The following TBC1D12 variants were observed in gnomAD, a reference collection of about 807,000 sequenced individuals.
TBC1D12 encodes the protein TBC1 domain family, member 12.
TBC1D12 carries 56 observed loss-of-function variants against 86.7 expected under a neutral mutation model. That is an observed-to-expected ratio of 0.65 (90% CI 0.52 to 0.81). TBC1D12 has a LOEUF of 0.81. TBC1D12 is among the 30% of genes least tolerant of loss of function. The pLI is 0.00. For synonymous variants in TBC1D12, 421 were observed against 411.7 expected, an observed-to-expected ratio of 1.02 and a Z score of -0.27; for missense variants, 1,023 against 1,038.8, an observed-to-expected ratio of 0.98 and a Z score of 0.21.
At chr10:94,439,812 A>G (rs2055354028) in intron 1 of TBC1D12, among the ~76,000 whole-genome samples, 2 of 152,374 alleles carry the variant, frequency 1.3e-5, no homozygotes, top group South Asian at 4.1e-4. Context: ...CAACAGAAAT[A>G]ATAAAAAGAT....
chr10:94,522,272 GTGTT>G (rs1270686422), intron 10 of TBC1D12, 68 bp from the exon 11 acceptor site: 70 of 1,063,586 alleles, frequency 6.6e-5, no homozygotes, highest in African/African-American at 1.6e-5. Context: ...TTTCCTGTTA[GTGTT>G]TAAGCGTTTA....
At chr10:94,446,957 C>G (rs2055471823) in intron 2 of TBC1D12, among the ~76,000 whole-genome samples, 1 of 148,860 alleles carries the variant, frequency 6.7e-6, no homozygotes, top group Non-Finnish European at 1.5e-5. Context: ...CCTGTAATCT[C>G]ATCTACTTGG....
intron 2 of TBC1D12, among the ~76,000 whole-genome samples, chr10:94,442,248 ACGTAGACTTTTT>A (rs2055394029): frequency 6.6e-6 from 1 of 152,038 alleles, no homozygotes; most frequent in African/African-American, 2.4e-5. Context: ...TTCAAATAGA[ACGTAGACTTTTT>A]TTTTTAACCA....
intron 2 of TBC1D12, among the ~76,000 whole-genome samples, chr10:94,456,068 T>G (rs999745656): frequency 3.9e-5 from 6 of 152,256 alleles, no homozygotes; most frequent in African/African-American, 1.4e-4. Context: ...CTTTTTTGTT[T>G]TCTCTTAGTT....
chr10:94,478,817 A>T (rs2056033446), intron 3 of TBC1D12, among the ~76,000 whole-genome samples: 2 of 152,108 alleles, frequency 1.3e-5, no homozygotes, highest in Admixed American at 1.3e-4. Context: ...TTCTGTCCAA[A>T]GCTGCTTTCT....
At chr10:94,492,562 C>G (rs2056260317) in intron 3 of TBC1D12, among the ~76,000 whole-genome samples, 1 of 152,064 alleles carries the variant, frequency 6.6e-6, no homozygotes, top group African/African-American at 2.4e-5. Flanking sequence ...TACTACTCAG[C>G]AATTAAAAGG....
At chr10:94,461,963 T>C (rs1336801412) in intron 2 of TBC1D12, among the ~76,000 whole-genome samples, 1 of 152,178 alleles carries the variant, frequency 6.6e-6, no homozygotes, top group Non-Finnish European at 1.5e-5. Context: ...AATGTTGGGA[T>C]TATAGGCGTG....
intron 3 of TBC1D12, among the ~76,000 whole-genome samples, chr10:94,482,214 G>A (rs2056087242): frequency 1.3e-5 from 2 of 152,084 alleles, no homozygotes; most frequent in Non-Finnish European, 2.9e-5. Flanking sequence ...GTGTTCAGAA[G>A]TTCTCATCAT....
At chr10:94,526,888 G>T (rs1420675909) in intron 11 of TBC1D12, among the ~76,000 whole-genome samples, 5 of 152,144 alleles carry the variant, frequency 3.3e-5, no homozygotes, top group Non-Finnish European at 5.9e-5. Context: ...ATCCTTGCCA[G>T]CATTTGTTAT....
intron 2 of TBC1D12, among the ~76,000 whole-genome samples, chr10:94,444,884 G>A (rs1203692919): frequency 6.6e-6 from 1 of 150,418 alleles, no homozygotes; most frequent in African/African-American, 2.4e-5. Context: ...GGCGCCCGCC[G>A]CCACGCCTGG....
chr10:94,435,700 A>G (rs1159783721), intron 1 of TBC1D12, among the ~76,000 whole-genome samples: 1 of 152,054 alleles, frequency 6.6e-6, no homozygotes. Context: ...TATGCTGGTG[A>G]TTTTATCAAG....
intron 2 of TBC1D12, among the ~76,000 whole-genome samples, chr10:94,470,910 C>T (rs967158424): frequency 5.3e-5 from 8 of 151,906 alleles, no homozygotes; most frequent in Non-Finnish European, 7.4e-5. Flanking sequence ...ACTTTTATGA[C>T]AAGGATGTAT....
chr10:94,485,544 C>CTTT (rs772788846), intron 3 of TBC1D12, among the ~76,000 whole-genome samples: 2 of 122,770 alleles, frequency 1.6e-5, no homozygotes, highest in East Asian at 2.3e-4. Flanking sequence ...TGTAGTTTTC[C>CTTT]TTTTTTTTTT....
At chr10:94,449,590 G>C (rs1398454312) in intron 2 of TBC1D12, among the ~76,000 whole-genome samples, 2 of 152,276 alleles carry the variant, frequency 1.3e-5, no homozygotes, top group African/African-American at 4.8e-5. Context: ...GAGTTTTTCT[G>C]CTTCTGAAAC....
rs2054803821 is a variant in TBC1D12 at position 94,403,569 on chromosome 10, C to T, written c.956C>T (p.Ala319Val). ...SARARRSGGF[A>V]DFFTRNLFPK... ...CGGGCTCGACGGAGTGGCGGCTTCGCGGACTTCTTCACCAGGTACAGCGCA... is the reference window on the plus strand; with the variant it reads ...CGGGCTCGACGGAGTGGCGGCTTCGTGGACTTCTTCACCAGGTACAGCGCA... Residue 319 changes from alanine to valine, a missense_variant, in exon 1 of 13, where the codon GCG becomes GTG. By Grantham distance (64) the Ala-to-Val change is moderately conservative. Coordinates refer to ENST00000225235, the MANE Select transcript of TBC1D12 (RefSeq NM_015188.2). The T allele has an allele frequency of 6.8e-7, 1 of 1,474,348 alleles. No homozygotes were observed. Among genetic ancestry groups the T allele is most frequent in the Non-Finnish European group, 8.9e-7 (1 of 1,122,918 alleles). The allele number at this position is 1,474,348 out of a possible 1,614,324, so 91.3% of individuals were successfully genotyped here. A position where few individuals can be genotyped will look rare whatever the true frequency, so the allele number is the denominator to read the frequency against.
chr10:94,531,132 A>G, intron 11 of TBC1D12, 70 bp from the exon 12 acceptor site: 1 of 1,493,420 alleles, frequency 6.7e-7, no homozygotes, highest in Non-Finnish European at 9.1e-7. Context: ...CTTTTTTTAT[A>G]GAGATGCTTA....
chr10:94,533,080 C>T lies in TBC1D12; in HGVS notation c.2312C>T (p.Pro771Leu). ...DIKEGDKNSSPALKS is the reference protein window; with the variant it reads ...DIKEGDKNSSLALKS The stretch of plus-strand genomic sequence containing the variant: ...AAAGAAGGAGACAAGAACAGTAGTC[C>T]TGCTTTGAAAAGCTAGTCTTCAAAA... The change falls in exon 13 of 13, where the codon CCT becomes CTT. Residue 771 changes from proline (P) to leucine (L), a missense_variant. By Grantham distance (98) the Pro-to-Leu change is moderately conservative. Coordinates refer to ENST00000225235, the MANE Select transcript of TBC1D12 (RefSeq NM_015188.2). 6.3e-7 allele frequency: 1 copy of T among 1,592,566 alleles called. No individual in the cohort carries two copies. The highest frequency in any genetic ancestry group is 1.1e-5 in the South Asian group (1 of 86,960).
chr10:94,467,051 T>C (rs1412835337), intron 2 of TBC1D12, among the ~76,000 whole-genome samples: 1 of 152,150 alleles, frequency 6.6e-6, no homozygotes, highest in Non-Finnish European at 1.5e-5. Context: ...GGGAGAAATA[T>C]CATGGAGATA....
chr10:94,422,989 A>G (rs1228144380), intron 1 of TBC1D12, among the ~76,000 whole-genome samples: 1 of 152,210 alleles, frequency 6.6e-6, no homozygotes, highest in Non-Finnish European at 1.5e-5. Context: ...AGCCCCAGCT[A>G]CACAGGAGTC....
Sources: gnomAD v4.1 joint callset for allele counts (sites outside exome capture counted in the v4.1 genomes callset) on GRCh38, gnomAD v4.1.1 for gene constraint, MANE v1.5 for transcripts, NCBI Gene and HGNC (gene_info 2026-07-23, HGNC 2026-07-21) for gene names.